The following HERC1 variants were observed in gnomAD, a reference collection of about 807,000 sequenced individuals.
HERC1 encodes the protein probable E3 ubiquitin-protein ligase HERC1.
Under a neutral mutation model 554.3 loss-of-function variants are expected in HERC1, and 160 were observed. The ratio of observed to expected loss-of-function variants is 0.29; its 90% CI spans 0.25 to 0.33. The LOEUF (loss-of-function observed/expected upper bound fraction) is 0.33. Among genes scored for constraint, HERC1 ranks in the 10% least tolerant of loss-of-function variants. The pLI, the probability that HERC1 is intolerant of heterozygous loss-of-function variation, is 1.00. For synonymous variants in HERC1, 2,175 were observed against 2,131.7 expected (o/e 1.02, Z -0.56); for missense variants, 4,919 against 5,918.5 (o/e 0.83, Z 5.54).
chr15:63,693,538 C>T (rs183639722), intron 30 of HERC1, among the ~76,000 whole-genome samples: 53 of 152,274 alleles, frequency 3.5e-4, no homozygotes, highest in African/African-American at 1.3e-3. Flanking sequence ...GCCACTGCGC[C>T]TGGCCTGGGG....
chr15:63,638,901 A>T (rs890195358), intron 61 of HERC1, 125 bp from the exon 62 acceptor site: 27 of 715,214 alleles, frequency 3.8e-5, no homozygotes, highest in Non-Finnish European at 5.8e-5. Context: ...TATTATGATA[A>T]ATTAAGAGCA....
intron 47 of HERC1, among the ~76,000 whole-genome samples, chr15:63,659,330 T>C (rs1348432776): frequency 6.6e-6 from 1 of 152,128 alleles, no homozygotes; most frequent in Non-Finnish European, 1.5e-5. Flanking sequence ...TCACTCACCA[T>C]AACCTCAAAC....
chr15:63,684,022 T>A (rs2071614987), intron 34 of HERC1, among the ~76,000 whole-genome samples: 1 of 152,098 alleles, frequency 6.6e-6, no homozygotes, highest in Admixed American at 6.6e-5. Flanking sequence ...TTTGGAACAC[T>A]CCCCCTCTGT....
chr15:63,642,202 T>C lies in HERC1; in HGVS notation c.11434-559A>G, dbSNP rs1330186660. ...AAAAATAATACTGTAGGGAATAATGTTATATCATAGAATTACTTCACAGCA... is the reference window on the plus strand; with the variant it reads ...AAAAATAATACTGTAGGGAATAATGCTATATCATAGAATTACTTCACAGCA... On this transcript the variant is annotated intron_variant, in intron 59 of 77. Coordinates refer to ENST00000443617, the MANE Select transcript of HERC1 (RefSeq NM_003922.4). 2.6e-5 allele frequency among the ~76,000 whole-genome samples: 4 copies of C among 152,256 alleles called. No individual in the cohort carries two copies. The East Asian group carries it at 5.8e-4, about 22-fold the overall frequency.
intron 74 of HERC1, among the ~76,000 whole-genome samples, chr15:63,622,560 T>C (rs1348844300): frequency 6.6e-6 from 1 of 152,120 alleles, no homozygotes; most frequent in Non-Finnish European, 1.5e-5. Flanking sequence ...CTTAAACTCC[T>C]GATATCAGGT....
chr15:63,638,751 A>C lies in HERC1; in HGVS notation c.11927T>G (p.Met3976Arg), dbSNP rs574876686. ...TGCCCAAGACATAATTTGTTCATCC[A>C]TGCCGTTAATCCATTTACTGTTATC... ...LMDNSKWING[M>R]DEQIMSWATS... The change falls in exon 62 of 78, where the codon ATG becomes AGG. Residue 3976 changes from methionine to arginine, a missense_variant. Coordinates refer to ENST00000443617, the MANE Select transcript of HERC1 (RefSeq NM_003922.4). 3 of 1,613,678 alleles carry C rather than the reference A, an allele frequency of 1.9e-6. No homozygotes were observed. In the Admixed American group the frequency reaches 5.0e-5, roughly 27 times the overall value.
intron 1 of HERC1, among the ~76,000 whole-genome samples, chr15:63,813,818 A>G (rs2077406532): frequency 6.6e-6 from 1 of 152,218 alleles, no homozygotes; most frequent in South Asian, 2.1e-4. Context: ...CTGTAATCCC[A>G]GCACTTTGGG....
chr15:63,744,477 G>T (rs953279284), intron 12 of HERC1, among the ~76,000 whole-genome samples: 9 of 152,130 alleles, frequency 5.9e-5, no homozygotes, highest in African/African-American at 1.9e-4. Context: ...GGTGCCATCT[G>T]GGAGTCAGGG....
chr15:63,688,623 A>C (rs1440404058), intron 33 of HERC1, among the ~76,000 whole-genome samples: 1 of 152,198 alleles, frequency 6.6e-6, no homozygotes, highest in East Asian at 1.9e-4. Context: ...CTTAGATTGA[A>C]TAGAAGAAGA....
intron 37 of HERC1, among the ~76,000 whole-genome samples, chr15:63,676,220 C>T (rs767486167): frequency 1.3e-5 from 2 of 152,090 alleles, no homozygotes; most frequent in African/African-American, 4.8e-5. Flanking sequence ...GCATCTTAAC[C>T]AGGCATCATA....
chr15:63,660,345 A>C (rs1329945312), intron 46 of HERC1, among the ~76,000 whole-genome samples: 1 of 151,972 alleles, frequency 6.6e-6, no homozygotes, highest in African/African-American at 2.4e-5. Flanking sequence ...ATAAATAAAT[A>C]AATAAATACA....
intron 1 of HERC1, among the ~76,000 whole-genome samples, chr15:63,821,275 C>G (rs1448377426): frequency 1.3e-5 from 2 of 151,868 alleles, no homozygotes; most frequent in Non-Finnish European, 2.9e-5. Context: ...TAGCAGGGGG[C>G]CGGGTGCAGT....
intron 70 of HERC1, among the ~76,000 whole-genome samples, chr15:63,626,647 A>T (rs1256898955): frequency 6.6e-6 from 1 of 152,214 alleles, no homozygotes; most frequent in African/African-American, 2.4e-5. Flanking sequence ...TGCATGATTC[A>T]TGAGGCTTTT....
chr15:63,831,388 T>C (rs2078149460), intron 1 of HERC1, among the ~76,000 whole-genome samples: 3 of 152,206 alleles, frequency 2.0e-5, no homozygotes, highest in Admixed American at 2.0e-4. Flanking sequence ...ATTACAGGCG[T>C]GAGCTACTGT....
intron 77 of HERC1, 31 bp from the exon 78 acceptor site, chr15:63,609,297 G>A: frequency 6.4e-7 from 1 of 1,571,248 alleles, no homozygotes; most frequent in South Asian, 1.2e-5. Flanking sequence ...CCGTGACTGG[G>A]GACATCAGAG....
At chr15:63,618,720 T>G (rs2067934814) in intron 74 of HERC1, among the ~76,000 whole-genome samples, 1 of 152,220 alleles carries the variant, frequency 6.6e-6, no homozygotes, top group South Asian at 2.1e-4. Context: ...GTCCTTCACA[T>G]CCCTTGTAAG....
At chr15:63,646,171 T>C (rs2069328584) in intron 55 of HERC1, among the ~76,000 whole-genome samples, 1 of 152,170 alleles carries the variant, frequency 6.6e-6, no homozygotes, top group South Asian at 2.1e-4. Context: ...CTCTTCCACA[T>C]CTTCTAACTC....
rs970617005 is a variant in HERC1 at position 63,694,050 on chromosome 15, G to C, written c.5588C>G (p.Ser1863Cys). The C allele has an allele frequency of 1.9e-6, 3 of 1,605,192 alleles. No individual in the cohort carries two copies. The African/African-American group carries it at 4.0e-5, about 21-fold the overall frequency. The part of the protein sequence containing the change: ...LSQTGVLHMA[S>C]FGEGEQEDGE... ...GTCTTCTTGCTCCCCTTCTCCGAAA[G>C]AGGCCATATGTAGTACACCAGTTTG... is the stretch of plus-strand genomic sequence containing the variant. Residue 1863 changes from serine to cysteine, a missense_variant, in exon 30 of 78, where the codon TCT becomes TGT. Physicochemically the swap from Ser to Cys is moderately radical, Grantham distance 112. Coordinates refer to ENST00000443617, the MANE Select transcript of HERC1 (RefSeq NM_003922.4). The surrounding 1 kb of genome is among the most constrained non-coding windows in gnomAD (Gnocchi z 4.3).
chr15:63,789,078 G>GTTT lies in HERC1; in HGVS notation c.-26-13432_-26-13430dup, dbSNP rs71131178. Among the ~76,000 whole-genome samples the GTTT allele has an allele frequency of 3.5e-4, 29 of 83,612 alleles. 1 individual carries two copies. Among genetic ancestry groups the GTTT allele is most frequent in the East Asian group, 1.5e-3 (4 of 2,628 alleles). 54.9% of individuals were successfully genotyped at this position (83,612 alleles called of 152,430 possible). A position where few individuals can be genotyped will look rare whatever the true frequency, so the allele number is the denominator to read the frequency against. On this transcript the variant is annotated intron_variant, in intron 1 of 77. Transcript: ENST00000443617. ...TCTACTAATAAAGCAGGAATAAAAGGTTTTTTTTTTTTTTTTTTTTTTTTT... is the reference window on the plus strand; with the variant it reads ...TCTACTAATAAAGCAGGAATAAAAGGTTTTTTTTTTTTTTTTTTTTTTTTTTTT...
Sources: gnomAD v4.1 joint callset for allele counts (sites outside exome capture counted in the v4.1 genomes callset) on GRCh38, gnomAD v4.1.1 for gene constraint, Gnocchi (gnomAD v3.1) non-coding constraint, MANE v1.5 for transcripts, NCBI Gene and HGNC (gene_info 2026-07-23, HGNC 2026-07-21) for gene names.